Variants in IRAG1 observed in about 807,000 individuals in gnomAD.
IRAG1 encodes the protein inositol 1,4,5-triphosphate receptor associated 1.
A neutral mutation model predicts 106.2 loss-of-function variants in IRAG1; 62 were observed. That is an observed-to-expected ratio of 0.58 (90% CI 0.48 to 0.72). IRAG1 has a LOEUF of 0.72. Among genes scored for constraint, IRAG1 ranks in the 30% least tolerant of loss-of-function variants. The probability of loss-of-function intolerance (pLI) is 0.00; values close to 1 mark genes in which losing one functional copy is unlikely to be tolerated. For synonymous variants in IRAG1, 462 were observed against 443.9 expected (o/e 1.04, Z -0.51); for missense variants, 1,064 against 1,140.7 (o/e 0.93, Z 0.97).
chr11:10,629,929 A>C, intron 4 of IRAG1: 2 of 540,574 alleles, frequency 3.7e-6, no homozygotes, highest in East Asian at 3.1e-5. Context: ...TCCGTCACAA[A>C]TGGTCCTGGA....
intron 3 of IRAG1, among the ~76,000 whole-genome samples, chr11:10,633,221 CCCG>C (rs954392138): frequency 6.6e-6 from 1 of 151,794 alleles, no homozygotes; most frequent in African/African-American, 2.4e-5. Context: ...ACTACAGGCG[CCCG>C]CCACCACACC....
chr11:10,656,391 G>A (rs1294802741), intron 1 of IRAG1, among the ~76,000 whole-genome samples: 4 of 152,198 alleles, frequency 2.6e-5, no homozygotes, highest in South Asian at 2.1e-4. Context: ...GTGCAGAAAC[G>A]GAAACAACTT....
At chr11:10,629,839 G>T in intron 4 of IRAG1, 128 bp from the exon 5 acceptor site, 1 of 950,428 alleles carries the variant, frequency 1.1e-6, no homozygotes, top group Non-Finnish European at 1.5e-6. Flanking sequence ...CCTCAGCCCA[G>T]TGCCATCAAG....
intron 16 of IRAG1, chr11:10,593,880 G>A (rs989380820): frequency 7.0e-6 from 4 of 573,692 alleles, no homozygotes; most frequent in South Asian, 2.2e-5. Flanking sequence ...TAACACCCTG[G>A]AGACTGTATT....
chr11:10,612,018 G>C (rs1420302558), intron 10 of IRAG1, among the ~76,000 whole-genome samples: 2 of 152,160 alleles, frequency 1.3e-5, no homozygotes, highest in African/African-American at 4.8e-5. Flanking sequence ...GATATGAAGG[G>C]ATTTACAAGG....
At chr11:10,651,912 C>A in intron 2 of IRAG1, 113 bp downstream of exon 2, 3 of 1,293,128 alleles carry the variant, frequency 2.3e-6, no homozygotes, top group South Asian at 3.1e-5. Context: ...CCCACTGCAA[C>A]CTACATGAGC....
At chr11:10,587,183 G>A (rs957060128) in intron 18 of IRAG1, among the ~76,000 whole-genome samples, 2 of 152,168 alleles carry the variant, frequency 1.3e-5, no homozygotes, top group African/African-American at 4.8e-5. Context: ...GGTCAAAAAT[G>A]TTTGTCATTG....
At chr11:10,656,418 C>G (rs1220014374) in intron 1 of IRAG1, among the ~76,000 whole-genome samples, 1 of 152,198 alleles carries the variant, frequency 6.6e-6, no homozygotes, top group Non-Finnish European at 1.5e-5. Context: ...TTCAGCTACC[C>G]TTGTATCTGG....
chr11:10,660,595 T>C (rs1859317196), intron 1 of IRAG1, among the ~76,000 whole-genome samples: 1 of 152,206 alleles, frequency 6.6e-6, no homozygotes, highest in Non-Finnish European at 1.5e-5. Flanking sequence ...TTCTTGCTCC[T>C]ACCAGGGTGC....
chr11:10,596,013 C>G lies in IRAG1; in HGVS notation c.2018-1818G>C, dbSNP rs190583681. Among the ~76,000 whole-genome samples, 281 of 152,338 alleles carry G rather than the reference C, an allele frequency of 1.8e-3. 2 individuals carry two copies. Among genetic ancestry groups the G allele is most frequent in the Non-Finnish European group, 3.6e-3 (245 of 68,036 alleles). On this transcript the variant is annotated intron_variant, in intron 15 of 20. Transcript: ENST00000423302. ...ACCTCCAGCCCCACGCATGTTCCTG[C>G]AAAAGAGGTGATCTCATTCTTTTTT...
chr11:10,671,433 C>T (rs777194756), intron 1 of IRAG1, among the ~76,000 whole-genome samples: 7 of 152,164 alleles, frequency 4.6e-5, no homozygotes, highest in Non-Finnish European at 8.8e-5. Flanking sequence ...AACGGCTGGC[C>T]GGGTGTGGTA....
At position 10,626,324 on chromosome 11, in the gene IRAG1, G is replaced by T. The variant is rs200259808; in HGVS notation, c.1010C>A (p.Thr337Lys). Residue 337 changes from threonine (T) to lysine (K), a missense_variant, in exon 9 of 21, where the codon ACG becomes AAG. By Grantham distance (78) the Thr-to-Lys change is moderately conservative. Transcript: ENST00000423302. The stretch of plus-strand genomic sequence containing the variant: ...CGGCAGAGGGCTGCCCTCCCAGCCC[G>T]TTTTCAAGAGCTGCTTCCCCAGCTC... ...ESELGKQLLK[T>K]GWEGSPLPRS... 2 of 1,613,310 alleles carry T rather than the reference G, an allele frequency of 1.2e-6. No individual in the cohort carries two copies. Among genetic ancestry groups the T allele is most frequent in the Non-Finnish European group, 1.7e-6 (2 of 1,179,658 alleles).
At chr11:10,594,930 A>AT (rs200776180) in intron 15 of IRAG1, among the ~76,000 whole-genome samples, 124 of 151,602 alleles carry the variant, frequency 8.2e-4, no homozygotes, top group South Asian at 1.9e-3. Flanking sequence ...TCAAAAAAAA[A>AT]TTTTTTTTTC....
intron 10 of IRAG1, among the ~76,000 whole-genome samples, chr11:10,621,370 C>G (rs928660520): frequency 6.6e-6 from 1 of 152,148 alleles, no homozygotes; most frequent in Non-Finnish European, 1.5e-5. Flanking sequence ...CCATAGGGCT[C>G]TTATGCTGAG....
chr11:10,616,218 G>A (rs1242801693), intron 10 of IRAG1, among the ~76,000 whole-genome samples: 3 of 151,302 alleles, frequency 2.0e-5, no homozygotes, highest in Admixed American at 6.6e-5. Flanking sequence ...GCGTGAATCC[G>A]GGAGGTGGAG....
chr11:10,661,070 G>T (rs979210569), intron 1 of IRAG1, among the ~76,000 whole-genome samples: 2 of 147,492 alleles, frequency 1.4e-5, no homozygotes, highest in Non-Finnish European at 3.0e-5. Flanking sequence ...AACTCCTTGA[G>T]GATTGATTCC....
chr11:10,604,016 G>A (rs16908028), intron 13 of IRAG1, among the ~76,000 whole-genome samples: 8,339 of 152,202 alleles, frequency 0.055, 556 homozygotes, highest in African/African-American at 0.15. Flanking sequence ...CCTAGACTCA[G>A]CTCTCATGAA....
At chr11:10,585,243 G>A (rs1401452300) in intron 18 of IRAG1, among the ~76,000 whole-genome samples, 1 of 152,098 alleles carries the variant, frequency 6.6e-6, no homozygotes, top group African/African-American at 2.4e-5. Flanking sequence ...GCAGGGCCAG[G>A]AAGCCCATTT....
intron 10 of IRAG1, among the ~76,000 whole-genome samples, chr11:10,613,747 C>T (rs1855170377): frequency 6.6e-6 from 1 of 152,146 alleles, no homozygotes; most frequent in Non-Finnish European, 1.5e-5. Flanking sequence ...TTCGGCCATT[C>T]TCATCTTTTC....
Sources: allele counts gnomAD v4.1 joint callset (sites outside exome capture counted in the v4.1 genomes callset), GRCh38; gene constraint gnomAD v4.1.1; transcripts MANE v1.5; gene names NCBI Gene and HGNC (gene_info 2026-07-23, HGNC 2026-07-21).